OTC: variants seen among roughly 807,000 people sequenced by gnomAD.
OTC encodes the protein ornithine transcarbamylase, mitochondrial.
In OTC, 3 loss-of-function variants were observed where a neutral mutation model predicts 30.3. The ratio of observed to expected loss-of-function variants is 0.10; its 90% confidence interval spans 0.05 to 0.26. OTC has a LOEUF of 0.26. OTC is among the 10% of genes least tolerant of loss of function. The pLI is 1.00. For missense variants in OTC, 194 were observed against 260.3 expected, an observed-to-expected ratio of 0.75 and a Z score of 1.75; for synonymous variants, 111 against 99.7, an observed-to-expected ratio of 1.11 and a Z score of -0.67.
At chrX:38,337,792 T>TA in the OTC span, among the ~76,000 whole-genome samples, 5 of 111,708 alleles carry the variant, frequency 4.5e-5, no homozygotes, top group Admixed American at 4.8e-4. Context: ...CTCTTTGGCC[T>TA]TGTCTGGCTT....
intron 1 of OTC, among the ~76,000 whole-genome samples, chrX:38,357,191 A>C (rs1326832187): frequency 8.9e-6 from 1 of 112,079 alleles, no homozygotes; most frequent in Non-Finnish European, 1.9e-5. Flanking sequence ...TCCCAAGGCC[A>C]TTGTTTATTC....
chrX:38,387,532 A>T (rs2068410393), intron 4 of OTC, among the ~76,000 whole-genome samples: 1 of 111,575 alleles, frequency 9.0e-6, no homozygotes, highest in South Asian at 3.8e-4. Flanking sequence ...TCTAGAGGTG[A>T]CTGAAGGGGA....
Position 38,421,371 on chromosome X carries a change from T to C in OTC, c.*289T>C. The C allele has an allele frequency of 3.5e-6, 1 of 288,177 alleles. No individual in the cohort carries two copies. The highest frequency in any genetic ancestry group is 4.2e-5 in the South Asian group (1 of 23,788). The allele number at this position is 288,177 out of a possible 1,213,427, so 23.7% of individuals were successfully genotyped here. A position where few individuals can be genotyped will look rare whatever the true frequency, so the allele number is the denominator to read the frequency against. On this transcript the variant is annotated 3_prime_UTR_variant, in exon 10 of 10. Coordinates refer to ENST00000039007, the MANE Select transcript of OTC (RefSeq NM_000531.6). ...ACATTTACTTCAACATAAAATACTG[T>C]GTTCATAATGTATAATGTCTAAGCC...
intron 9 of OTC, among the ~76,000 whole-genome samples, chrX:38,413,893 C>G (rs180743985): frequency 9.3e-6 from 1 of 107,580 alleles, no homozygotes; most frequent in East Asian, 2.9e-4. Flanking sequence ...AGGCTGGTCT[C>G]GAACTCCTGA....
chrX:38,357,292 A>G (rs1455006805), intron 1 of OTC, among the ~76,000 whole-genome samples: 4 of 112,444 alleles, frequency 3.6e-5, no homozygotes, highest in Non-Finnish European at 5.6e-5. Flanking sequence ...ATCCCTTCCA[A>G]TTGATCAAGC....
chrX:38,397,099 T>C (rs962801392), intron 4 of OTC, among the ~76,000 whole-genome samples: 2 of 111,794 alleles, frequency 1.8e-5, no homozygotes, highest in Admixed American at 9.5e-5. Flanking sequence ...CTATCTATAG[T>C]TATATATAAA....
intron 6 of OTC, among the ~76,000 whole-genome samples, chrX:38,407,365 G>C (rs946169081): frequency 7.1e-5 from 8 of 112,470 alleles, no homozygotes; most frequent in African/African-American, 2.3e-4. Flanking sequence ...GCAGCTGGGG[G>C]AATAAGTCCT....
intron 6 of OTC, among the ~76,000 whole-genome samples, chrX:38,404,739 G>A (rs1017795097): frequency 1.8e-5 from 2 of 111,150 alleles, no homozygotes; most frequent in African/African-American, 6.6e-5. Context: ...GCAGGACAGG[G>A]AAAGGGAAGA....
intron 3 of OTC, among the ~76,000 whole-genome samples, chrX:38,374,249 A>G (rs2068335283): frequency 9.0e-6 from 1 of 111,619 alleles, no homozygotes; most frequent in Non-Finnish European, 1.9e-5. Flanking sequence ...GCATAAACAA[A>G]TGAAACAGGT....
chrX:38,384,358 TCTGA>T (rs1452072551), intron 4 of OTC, among the ~76,000 whole-genome samples: 19 of 111,676 alleles, frequency 1.7e-4, no homozygotes, highest in African/African-American at 5.9e-4. Context: ...ATTGTAGAAA[TCTGA>T]CTTTCTTTTG....
At chrX:38,397,246 A>G (rs1248967506) in intron 4 of OTC, among the ~76,000 whole-genome samples, 1 of 111,800 alleles carries the variant, frequency 8.9e-6, no homozygotes, top group Non-Finnish European at 1.9e-5. Context: ...TAGAAGCATA[A>G]TTTATTTCAT....
At chrX:38,395,693 T>C (rs41355254) in intron 4 of OTC, 26,264 of 143,722 alleles carry the variant, frequency 0.18, 1,989 homozygotes, top group Middle Eastern at 0.28. Flanking sequence ...GGTTCTGTTT[T>C]GTTCCTTACT....
chrX:38,374,057 G>C (rs974804252), intron 3 of OTC, among the ~76,000 whole-genome samples: 1 of 111,030 alleles, frequency 9.0e-6, no homozygotes, highest in Non-Finnish European at 1.9e-5. Context: ...CCAGCCAATC[G>C]GGAGGCTGAG....
At chrX:38,345,834 C>T in the OTC span, among the ~76,000 whole-genome samples, 2 of 111,197 alleles carry the variant, frequency 1.8e-5, no homozygotes, top group Non-Finnish European at 3.8e-5. Flanking sequence ...AGCCACCGTG[C>T]CCGACCCTAA....
chrX:38,363,029 G>A (rs1335461461), intron 1 of OTC, among the ~76,000 whole-genome samples: 3 of 112,124 alleles, frequency 2.7e-5, no homozygotes, highest in African/African-American at 9.7e-5. Context: ...ACAAAATCCC[G>A]CAGAGGCTGA....
At chrX:38,351,853 C>T (rs752750694), upstream of OTC, among the ~76,000 whole-genome samples, 34 of 111,421 alleles carry the variant, frequency 3.1e-4, no homozygotes, top group East Asian at 7.9e-3. Context: ...CTCTGTCTCC[C>T]GGGTTCAAGC....
the OTC span, among the ~76,000 whole-genome samples, chrX:38,347,356 C>T: frequency 8.9e-6 from 1 of 111,824 alleles, no homozygotes; most frequent in Non-Finnish European, 1.9e-5. Context: ...CTCAGCCAAC[C>T]ACAGCTTCCT....
At chrX:38,350,900 C>T (rs967427112), upstream of OTC, among the ~76,000 whole-genome samples, 17 of 111,866 alleles carry the variant, frequency 1.5e-4, no homozygotes, top group Admixed American at 1.4e-3. Flanking sequence ...TTATATTAGC[C>T]TGTGGTTTGG....
chrX:38,355,502 C>G (rs1019480510), intron 1 of OTC, among the ~76,000 whole-genome samples: 3 of 112,208 alleles, frequency 2.7e-5, no homozygotes, highest in African/African-American at 9.7e-5. Context: ...CTAAGCTACT[C>G]AATTCTGTGG....
Sources: allele counts gnomAD v4.1 joint callset (sites outside exome capture counted in the v4.1 genomes callset), GRCh38; gene constraint gnomAD v4.1.1; transcripts MANE v1.5; gene names NCBI Gene and HGNC (gene_info 2026-07-23, HGNC 2026-07-21).